Variants in SYT1 observed in about 807,000 individuals in gnomAD.
The protein encoded by SYT1 is synaptotagmin-1.
Under a neutral mutation model 44.8 loss-of-function variants are expected in SYT1, and 8 were observed. That is an observed-to-expected ratio of 0.18 (90% CI 0.10 to 0.32). The LOEUF is 0.32. SYT1 is among the 10% of genes least tolerant of loss of function. The pLI is 1.00. For missense variants in SYT1, 286 were observed against 509.3 expected (o/e 0.56, Z 4.22); for synonymous variants, 154 against 188.8 (o/e 0.82, Z 1.51).
chr12:79,206,954 C>A (rs1227542606), intron 3 of SYT1, among the ~76,000 whole-genome samples: 1 of 152,214 alleles, frequency 6.6e-6, no homozygotes, highest in Admixed American at 6.5e-5. Flanking sequence ...GATAGCCATA[C>A]TGGAATCCTG....
At chr12:79,307,288 C>T (rs1565900438) in intron 8 of SYT1, among the ~76,000 whole-genome samples, 1 of 152,194 alleles carries the variant, frequency 6.6e-6, no homozygotes, top group Non-Finnish European at 1.5e-5. Flanking sequence ...AGGAAGCATA[C>T]ACAGACACAC....
rs1378643181 is a variant in SYT1, at chr12:79,368,724, C to T, written c.928+15105C>T. 4.3e-3 allele frequency among the ~76,000 whole-genome samples: 656 copies of T among 151,132 alleles called. 1 individual carries two copies. Among genetic ancestry groups the T allele is most frequent in the African/African-American group, 0.014 (573 of 40,956 alleles). On this transcript the variant is annotated intron_variant, in intron 9 of 10. Transcript: ENST00000261205. The stretch of plus-strand genomic sequence containing the variant: ...TTGAGAAGTGTCTGTTCATGTCCTT[C>T]GCCCACTTTTTGATGGGGTTGTTTG...
intron 9 of SYT1, among the ~76,000 whole-genome samples, chr12:79,365,017 A>C (rs1332629431): frequency 6.6e-6 from 1 of 152,144 alleles, no homozygotes; most frequent in Non-Finnish European, 1.5e-5. Context: ...CAAGAAATAA[A>C]GTTAATCCAC....
chr12:79,434,615 T>G (rs1376100270), intron 9 of SYT1, among the ~76,000 whole-genome samples: 1 of 152,184 alleles, frequency 6.6e-6, no homozygotes, highest in Admixed American at 6.5e-5. Context: ...GCAAAGAAAC[T>G]CTGAATGTTA....
At chr12:79,288,195 GT>G (rs1267097200) in intron 5 of SYT1, among the ~76,000 whole-genome samples, 12 of 152,062 alleles carry the variant, frequency 7.9e-5, no homozygotes, top group Non-Finnish European at 1.2e-4. Flanking sequence ...AAAATAGAAT[GT>G]GCAGATTTTA....
intron 8 of SYT1, among the ~76,000 whole-genome samples, chr12:79,311,769 C>CA (rs1348369004): frequency 6.9e-6 from 1 of 145,692 alleles, no homozygotes; most frequent in East Asian, 2.1e-4. Flanking sequence ...ATCGCAAGGA[C>CA]AAAAAAGCAA....
intron 1 of SYT1, among the ~76,000 whole-genome samples, chr12:78,898,273 G>A (rs1167875637): frequency 1.3e-5 from 2 of 151,986 alleles, no homozygotes; most frequent in East Asian, 3.9e-4. Context: ...TTGGAACGAT[G>A]CCTGGCAAAA....
At chr12:79,093,489 CTTG>C (rs1555197267) in intron 3 of SYT1, among the ~76,000 whole-genome samples, 1 of 151,624 alleles carries the variant, frequency 6.6e-6, no homozygotes, top group Non-Finnish European at 1.5e-5. Flanking sequence ...TATCAATACT[CTTG>C]TTTTTAAAAG....
chr12:79,285,000 A>T (rs931610082), intron 4 of SYT1, among the ~76,000 whole-genome samples: 2 of 152,178 alleles, frequency 1.3e-5, no homozygotes, highest in Admixed American at 6.5e-5. Flanking sequence ...AGAAACTCAG[A>T]ACAGTGAAGC....
chr12:79,138,352 A>C (rs1006110426), intron 3 of SYT1, among the ~76,000 whole-genome samples: 1 of 152,240 alleles, frequency 6.6e-6, no homozygotes, highest in Non-Finnish European at 1.5e-5. Flanking sequence ...TTATATTTTT[A>C]ATCTCCATGA....
chr12:79,411,878 C>T (rs115824843), intron 9 of SYT1, among the ~76,000 whole-genome samples: 250 of 151,888 alleles, frequency 1.6e-3, no homozygotes, highest in African/African-American at 5.8e-3. Context: ...TTGAGGCGTC[C>T]TTCTGCACCA....
intron 8 of SYT1, among the ~76,000 whole-genome samples, 190 bp from the exon 9 acceptor site, chr12:79,353,311 TA>T (rs143147207): frequency 0.036 from 5,192 of 145,990 alleles, 95 homozygotes; most frequent in Middle Eastern, 0.067. Context: ...TAGATGGTCT[TA>T]AAAAAAAAAA....
At chr12:79,021,900 CT>C (rs941755713) in intron 2 of SYT1, among the ~76,000 whole-genome samples, 45 of 151,310 alleles carry the variant, frequency 3.0e-4, no homozygotes, top group Middle Eastern at 3.4e-3. Flanking sequence ...TGTACGCCCC[CT>C]TTTTTTTGAA....
At chr12:79,044,245 C>T (rs1469303207) in intron 2 of SYT1, among the ~76,000 whole-genome samples, 1 of 152,162 alleles carries the variant, frequency 6.6e-6, no homozygotes, top group Non-Finnish European at 1.5e-5. Flanking sequence ...TCCATTCTCC[C>T]CATCACTTTC....
chr12:79,173,016 G>GCCTGTC lies in SYT1; in HGVS notation c.-17-44485_-17-44480dup, dbSNP rs1407330679. Among the ~76,000 whole-genome samples the GCCTGTC allele has an allele frequency of 2.3e-5, 3 of 130,736 alleles. No individual in the cohort carries two copies. The East Asian group carries it at 7.1e-4, about 31-fold the overall frequency. The allele number at this position is 130,736 out of a possible 152,430, so 85.8% of individuals were successfully genotyped here. A position where few individuals can be genotyped will look rare whatever the true frequency, so the allele number is the denominator to read the frequency against. On this transcript the variant is annotated intron_variant, in intron 3 of 10. Coordinates refer to ENST00000261205, the MANE Select transcript of SYT1 (RefSeq NM_005639.3). ...AAAAAAAAAAAAAAAAGGGAGTTTG[G>GCCTGTC]CCTGTCCAGAAATAAAATAATGTGG... is the stretch of plus-strand genomic sequence containing the variant.
chr12:79,197,603 C>T (rs1873540337), intron 3 of SYT1, among the ~76,000 whole-genome samples: 1 of 152,096 alleles, frequency 6.6e-6, no homozygotes, highest in Non-Finnish European at 1.5e-5. Flanking sequence ...AATATAGGAA[C>T]AAGTTTAAAG....
At chr12:78,918,160 A>C (rs1876773733) in intron 1 of SYT1, among the ~76,000 whole-genome samples, 1 of 152,116 alleles carries the variant, frequency 6.6e-6, no homozygotes, top group South Asian at 2.1e-4. Context: ...AAACAACAGA[A>C]GACACATGTT....
At chr12:79,127,790 A>G (rs1241455538) in intron 3 of SYT1, among the ~76,000 whole-genome samples, 1 of 152,198 alleles carries the variant, frequency 6.6e-6, no homozygotes, top group African/African-American at 2.4e-5. Flanking sequence ...CTTTGTCTTT[A>G]TTTCAAGCAA....
chr12:78,972,045 ATTCTGT>A (rs1868417855), intron 1 of SYT1, among the ~76,000 whole-genome samples: 1 of 152,136 alleles, frequency 6.6e-6, no homozygotes, highest in Non-Finnish European at 1.5e-5. Flanking sequence ...TCTGTTTTAC[ATTCTGT>A]TTCTAATACA....
Sources: allele counts gnomAD v4.1 joint callset (sites outside exome capture counted in the v4.1 genomes callset), GRCh38; gene constraint gnomAD v4.1.1; transcripts MANE v1.5; gene names NCBI Gene and HGNC (gene_info 2026-07-23, HGNC 2026-07-21).